PCDHA12: variants seen among roughly 807,000 people sequenced by gnomAD.
PCDHA12 encodes protocadherin alpha-12.
Under a neutral mutation model 60.0 loss-of-function variants are expected in PCDHA12, and 44 were observed. The ratio of observed to expected loss-of-function variants is 0.73; its 90% CI spans 0.58 to 0.94. The LOEUF (loss-of-function observed/expected upper bound fraction) is 0.94. Among genes scored for constraint, PCDHA12 ranks in the 40% least tolerant of loss-of-function variants. PCDHA12 has a pLI of 0.00. For synonymous variants in PCDHA12, 569 were observed against 553.0 expected, an observed-to-expected ratio of 1.03 and a Z score of -0.40; for missense variants, 1,276 against 1,239.7, an observed-to-expected ratio of 1.03 and a Z score of -0.44.
Position 140,893,828 on chromosome 5 carries a change from C to T in PCDHA12, c.2367+15989C>T, listed in dbSNP as rs144587014. Among the ~76,000 whole-genome samples the T allele has an allele frequency of 1.9e-3, 290 of 152,282 alleles. 1 individual carries two copies. Among genetic ancestry groups the T allele is most frequent in the African/African-American group, 6.6e-3 (275 of 41,556 alleles). ...CTTGAGTCTGGTACCGTAGACTACT[C>T]AGCCATCCTGATGCCCTACCTCTTG... On this transcript the variant is annotated intron_variant, in intron 1 of 3. Coordinates refer to ENST00000398631, the MANE Select transcript of PCDHA12 (RefSeq NM_018903.4).
intron 1 of PCDHA12, among the ~76,000 whole-genome samples, chr5:140,897,430 C>T (rs1297820601): frequency 6.7e-6 from 1 of 148,618 alleles, no homozygotes; most frequent in Non-Finnish European, 1.5e-5. Context: ...TGAGTGAGAA[C>T]ATGCAGTGTT....
intron 1 of PCDHA12, chr5:140,967,414 C>T: frequency 6.2e-7 from 1 of 1,613,156 alleles, no homozygotes; most frequent in African/African-American, 1.3e-5. Context: ...AGGGCCTAGA[C>T]CGGGAGCAGG....
chr5:140,933,752 A>T (rs1308245960), intron 1 of PCDHA12, among the ~76,000 whole-genome samples: 1 of 152,068 alleles, frequency 6.6e-6, no homozygotes, highest in African/African-American at 2.4e-5. Context: ...AGAATTCACT[A>T]GTGAAGCTCT....
chr5:140,953,002 T>C (rs1019745922), intron 1 of PCDHA12, among the ~76,000 whole-genome samples: 5 of 152,142 alleles, frequency 3.3e-5, no homozygotes, highest in African/African-American at 1.2e-4. Flanking sequence ...ACTCTCTCAC[T>C]ATTATGAGAA....
intron 3 of PCDHA12, among the ~76,000 whole-genome samples, chr5:141,000,385 C>A (rs868983393): frequency 3.1e-5 from 2 of 64,984 alleles, no homozygotes; most frequent in South Asian, 5.2e-4. Flanking sequence ...CTCTCTCTCT[C>A]TCTCTCTCTC....
chr5:140,995,449 A>G (rs1279825778), intron 3 of PCDHA12, among the ~76,000 whole-genome samples: 18 of 152,120 alleles, frequency 1.2e-4, no homozygotes, highest in African/African-American at 3.9e-4. Flanking sequence ...AAACTTATGA[A>G]TTGTTTATTT....
intron 1 of PCDHA12, among the ~76,000 whole-genome samples, chr5:140,885,040 T>C (rs2060438917): frequency 6.6e-6 from 1 of 152,226 alleles, no homozygotes; most frequent in African/African-American, 2.4e-5. Context: ...AATTTTTAGT[T>C]TAATGTATAC....
intron 1 of PCDHA12, among the ~76,000 whole-genome samples, chr5:140,932,839 C>T (rs138437913): frequency 6.6e-6 from 1 of 151,940 alleles, no homozygotes; most frequent in East Asian, 1.9e-4. Flanking sequence ...GACAATGTGT[C>T]TCATAATGTT....
At chr5:141,000,052 C>G (rs945182675) in intron 3 of PCDHA12, among the ~76,000 whole-genome samples, 2 of 152,100 alleles carry the variant, frequency 1.3e-5, no homozygotes, top group Admixed American at 1.3e-4. Flanking sequence ...CACCACTCTC[C>G]CAGCTGCTCT....
intron 1 of PCDHA12, among the ~76,000 whole-genome samples, chr5:140,885,084 A>C (rs1313908585): frequency 6.6e-6 from 1 of 152,198 alleles, no homozygotes; most frequent in South Asian, 2.1e-4. Context: ...AAAGAGCCCC[A>C]TAACTTTTCA....
chr5:140,975,099 A>G (rs540357854), intron 1 of PCDHA12, among the ~76,000 whole-genome samples: 1 of 152,152 alleles, frequency 6.6e-6, no homozygotes, highest in Non-Finnish European at 1.5e-5. Flanking sequence ...TTGTTTGGGG[A>G]CTGAGATCTC....
At chr5:140,908,429 G>A (rs575934093) in intron 1 of PCDHA12, among the ~76,000 whole-genome samples, 1 of 152,280 alleles carries the variant, frequency 6.6e-6, no homozygotes, top group African/African-American at 2.4e-5. Flanking sequence ...ATGCTGCTGT[G>A]CGCACCCCAC....
intron 3 of PCDHA12, among the ~76,000 whole-genome samples, chr5:141,009,094 C>A (rs1350235475): frequency 6.6e-6 from 1 of 152,176 alleles, no homozygotes; most frequent in Non-Finnish European, 1.5e-5. Context: ...AAGAACCAAA[C>A]ATATGTTACT....
At chr5:140,942,332 C>T (rs2093271266) in intron 1 of PCDHA12, among the ~76,000 whole-genome samples, 1 of 151,760 alleles carries the variant, frequency 6.6e-6, no homozygotes, top group Non-Finnish European at 1.5e-5. Flanking sequence ...ATCACTTGAA[C>T]CAGAGGGAGG....
intron 1 of PCDHA12, among the ~76,000 whole-genome samples, chr5:140,950,215 T>C (rs2094460409): frequency 6.6e-6 from 1 of 152,030 alleles, no homozygotes; most frequent in Non-Finnish European, 1.5e-5. Flanking sequence ...TACCTAGTCA[T>C]TTACCATTTC....
intron 1 of PCDHA12, among the ~76,000 whole-genome samples, chr5:140,946,570 C>G (rs1488950892): frequency 7.2e-6 from 1 of 138,492 alleles, no homozygotes; most frequent in Non-Finnish European, 1.5e-5. Context: ...ATAGAATCAA[C>G]TTAGGTGTTC....
At position 140,978,930 on chromosome 5, in the gene PCDHA12, T is replaced by C; in HGVS notation, c.2368-19T>C. On this transcript the variant is annotated intron_variant, in intron 1 of 3. Transcript: ENST00000398631. ...TTGTCTTGTCATTTTAACAGAAAAC[T>C]CTCTTTGTGATTTTGCAGCCACGAC... 2 of 1,614,088 alleles carry C rather than the reference T, an allele frequency of 1.2e-6. No individual in the cohort carries two copies. Among genetic ancestry groups the C allele is most frequent in the South Asian group, 1.1e-5 (1 of 91,072 alleles).
chr5:141,006,127 C>CA (rs2098257011), intron 3 of PCDHA12, among the ~76,000 whole-genome samples: 1 of 147,760 alleles, frequency 6.8e-6, no homozygotes, highest in Admixed American at 6.7e-5. Flanking sequence ...TTTCTCAAGG[C>CA]AGTAGAAAGC....
At chr5:140,985,129 G>T (rs545746675) in intron 3 of PCDHA12, among the ~76,000 whole-genome samples, 15 of 152,188 alleles carry the variant, frequency 9.9e-5, no homozygotes, top group Admixed American at 8.5e-4. Context: ...AGTAAAGACG[G>T]GGTTTCACCG....
Sources: allele counts gnomAD v4.1 joint callset (sites outside exome capture counted in the v4.1 genomes callset), GRCh38; gene constraint gnomAD v4.1.1; transcripts MANE v1.5; gene names NCBI Gene and HGNC (gene_info 2026-07-23, HGNC 2026-07-21).